The following NEDD4L variants were observed in gnomAD, a reference collection of about 807,000 sequenced individuals.
NEDD4L encodes the protein E3 ubiquitin-protein ligase NEDD4-like.
A neutral mutation model predicts 148.9 loss-of-function variants in NEDD4L; 54 were observed. That is an observed-to-expected ratio of 0.36 (90% CI 0.29 to 0.45). The LOEUF is 0.45. Among genes scored for constraint, NEDD4L ranks in the 20% least tolerant of loss-of-function variants. The pLI, the probability that NEDD4L is intolerant of heterozygous loss-of-function variation, is 1.00. For missense variants in NEDD4L, 856 were observed against 1,233.8 expected (o/e 0.69, Z 4.59); for synonymous variants, 433 against 440.7 (o/e 0.98, Z 0.22).
chr18:58,089,178 G>T (rs1319782090), intron 1 of NEDD4L, among the ~76,000 whole-genome samples: 1 of 131,452 alleles, frequency 7.6e-6, no homozygotes, highest in East Asian at 2.3e-4. Context: ...CTGTCACCCA[G>T]GCTGGAGTAC....
intron 1 of NEDD4L, among the ~76,000 whole-genome samples, chr18:58,071,630 A>G (rs2082877653): frequency 6.6e-6 from 1 of 152,250 alleles, no homozygotes; most frequent in Non-Finnish European, 1.5e-5. Context: ...AAAAGAAGGT[A>G]TACTGTGAAT....
At chr18:58,306,821 A>T in intron 5 of NEDD4L, among the ~76,000 whole-genome samples, 1 of 152,112 alleles carries the variant, frequency 6.6e-6, no homozygotes, top group Admixed American at 6.6e-5. Context: ...TTTAGTACAG[A>T]CCGGGTTTCA....
At chr18:58,045,883 T>A (rs1458677133) in intron 1 of NEDD4L, 11 of 152,282 alleles carry the variant, frequency 7.2e-5, no homozygotes, top group African/African-American at 2.4e-4. Context: ...TCCTTTCTTT[T>A]CAGAGGTTCC....
chr18:58,158,755 G>A (rs146160471), intron 1 of NEDD4L, among the ~76,000 whole-genome samples: 104 of 152,248 alleles, frequency 6.8e-4, no homozygotes, highest in African/African-American at 2.4e-3. Flanking sequence ...TGCCTCTGTC[G>A]GTGTCATCTG....
intron 5 of NEDD4L, among the ~76,000 whole-genome samples, chr18:58,304,668 A>G (rs1413939845): frequency 6.6e-6 from 1 of 152,260 alleles, no homozygotes; most frequent in Admixed American, 6.5e-5. Context: ...ACTTCTAGAT[A>G]GACATGGGAT....
At chr18:58,231,313 T>G (rs2045207357) in intron 2 of NEDD4L, among the ~76,000 whole-genome samples, 1 of 148,568 alleles carries the variant, frequency 6.7e-6, no homozygotes, top group Admixed American at 6.7e-5. Context: ...AAGGGAGTGG[T>G]CTAAGTATTC....
intron 1 of NEDD4L, among the ~76,000 whole-genome samples, chr18:58,084,710 T>TGTGTGTGTGTGTG (rs1599157510): frequency 2.0e-5 from 3 of 150,742 alleles, no homozygotes; most frequent in Admixed American, 6.6e-5. Context: ...TGTGTGTGTG[T>TGTGTGTGTGTGTG]TTGAGACAGG....
At chr18:58,133,610 A>G (rs1299046975) in intron 1 of NEDD4L, among the ~76,000 whole-genome samples, 1 of 152,176 alleles carries the variant, frequency 6.6e-6, no homozygotes, top group Non-Finnish European at 1.5e-5. Flanking sequence ...TTTTCTTAAT[A>G]TAGTAATACG....
intron 1 of NEDD4L, among the ~76,000 whole-genome samples, chr18:58,073,583 C>A (rs1020333295): frequency 6.6e-6 from 1 of 152,120 alleles, no homozygotes; most frequent in Non-Finnish European, 1.5e-5. Context: ...ACCTTGAAAA[C>A]GTATGGTAGG....
At chr18:58,093,129 T>A (rs562074006) in intron 1 of NEDD4L, among the ~76,000 whole-genome samples, 17 of 152,290 alleles carry the variant, frequency 1.1e-4, no homozygotes, top group African/African-American at 4.1e-4. Context: ...ACCAGGGGCT[T>A]GTAATATGAG....
At chr18:58,205,464 G>C (rs1009116030) in intron 2 of NEDD4L, among the ~76,000 whole-genome samples, 1 of 151,998 alleles carries the variant, frequency 6.6e-6, no homozygotes, top group African/African-American at 2.4e-5. Context: ...ATCATAAGTA[G>C]CTTGGGCTAT....
intron 5 of NEDD4L, among the ~76,000 whole-genome samples, chr18:58,265,080 T>G (rs1443082408): frequency 6.6e-6 from 1 of 151,576 alleles, no homozygotes. Context: ...ATGCACAGGC[T>G]GGGAGGGACA....
rs2048641155 is a variant in NEDD4L at position 58,256,759 on chromosome 18, G to A, written c.297+4705G>A. 8.1e-6 allele frequency: 10 copies of A among 1,231,852 alleles called. No homozygotes were observed. Among genetic ancestry groups the A allele is most frequent in the Admixed American group, 4.2e-5 (1 of 23,706 alleles). The allele number at this position is 1,231,852 out of a possible 1,614,324, so 76.3% of individuals were successfully genotyped here. A position where few individuals can be genotyped will look rare whatever the true frequency, so the allele number is the denominator to read the frequency against. Reference sequence around the variant, plus strand: ...AAAGCGCCAAAAGCCCTGTTTCCACGGGAGCTGACACCACGGTAAGTTCAC... The same window carrying A: ...AAAGCGCCAAAAGCCCTGTTTCCACAGGAGCTGACACCACGGTAAGTTCAC... On this transcript the variant is annotated intron_variant, in intron 5 of 30. Coordinates refer to ENST00000400345, the MANE Select transcript of NEDD4L (RefSeq NM_001144967.3). The surrounding 1 kb of genome is among the most constrained non-coding windows in gnomAD (Gnocchi z 5.2).
chr18:58,349,644 C>T, intron 17 of NEDD4L, 30 bp downstream of exon 17: 1 of 1,544,336 alleles, frequency 6.5e-7, no homozygotes, highest in Non-Finnish European at 9.0e-7. Context: ...ATGGAATGGT[C>T]TGAATATGTG....
intron 5 of NEDD4L, among the ~76,000 whole-genome samples, chr18:58,273,682 T>C (rs934451455): frequency 1.1e-4 from 16 of 152,328 alleles, no homozygotes; most frequent in African/African-American, 3.6e-4. Flanking sequence ...GACAATTTGG[T>C]GTTGTAGATT....
intron 2 of NEDD4L, among the ~76,000 whole-genome samples, chr18:58,244,072 G>A (rs1223692619): frequency 6.6e-6 from 1 of 152,018 alleles, no homozygotes; most frequent in Non-Finnish European, 1.5e-5. Context: ...AGGATTTCAT[G>A]GCATATTTAT....
intron 5 of NEDD4L, among the ~76,000 whole-genome samples, chr18:58,298,070 C>T (rs927700909): frequency 5.9e-5 from 9 of 151,950 alleles, no homozygotes; most frequent in Admixed American, 2.0e-4. Flanking sequence ...GTATGATTAC[C>T]GTCATCTAAA....
intron 1 of NEDD4L, among the ~76,000 whole-genome samples, chr18:58,099,344 C>T (rs922647984): frequency 1.3e-5 from 2 of 152,164 alleles, no homozygotes; most frequent in Non-Finnish European, 1.5e-5. Flanking sequence ...CTGTATTTTC[C>T]TTATAGCATC....
intron 1 of NEDD4L, among the ~76,000 whole-genome samples, chr18:58,126,684 G>A (rs2031164554): frequency 6.6e-6 from 1 of 152,214 alleles, no homozygotes. Flanking sequence ...TTGAGAAGCT[G>A]CTGGCCTGTT....
Sources: allele counts gnomAD v4.1 joint callset (sites outside exome capture counted in the v4.1 genomes callset), GRCh38; gene constraint gnomAD v4.1.1; non-coding constraint Gnocchi (gnomAD v3.1); transcripts MANE v1.5; gene names NCBI Gene and HGNC (gene_info 2026-07-23, HGNC 2026-07-21).